The following UNC13A variants were observed in gnomAD, a reference collection of about 807,000 sequenced individuals.
The protein encoded by UNC13A is unc-13 homolog A.
UNC13A carries 61 observed loss-of-function variants against 219.7 expected under a neutral mutation model. The observed-to-expected ratio is 0.28, with a 90% CI of 0.23 to 0.34. UNC13A has a LOEUF of 0.34. Among genes scored for constraint, UNC13A ranks in the 10% least tolerant of loss-of-function variants. The pLI, the probability that UNC13A is intolerant of heterozygous loss-of-function variation, is 1.00. For missense variants in UNC13A, 1,476 were observed against 2,270.3 expected (o/e 0.65, Z 7.11); for synonymous variants, 920 against 884.6 (o/e 1.04, Z -0.71).
chr19:17,665,205 A>G (rs1480096515), intron 7 of UNC13A, among the ~76,000 whole-genome samples: 1 of 151,138 alleles, frequency 6.6e-6, no homozygotes, highest in Non-Finnish European at 1.5e-5. Flanking sequence ...ATCTCCAAGA[A>G]AAAAAAAAAG....
rs777207198 is a variant in UNC13A, at chr19:17,606,136, T to C, written c.5030A>G (p.Asn1677Ser). 1.0e-5 allele frequency: 16 copies of C among 1,593,000 alleles called. No individual in the cohort carries two copies. The Admixed American group carries it at 1.2e-4, about 12-fold the overall frequency. Reference sequence around the variant, plus strand: ...CACGAACTCCTTGGCCACCTCGTCGTTGCTGCGCTGCGAGAGGATTCGCAG... The same window carrying C: ...CACGAACTCCTTGGCCACCTCGTCGCTGCTGCGCTGCGAGAGGATTCGCAG... The part of the protein sequence containing the change: ...TVLRILSQRS[N>S]DEVAKEFVKL... The change falls in exon 44 of 44, where the codon AAC becomes AGC. Residue 1677 changes from asparagine (N) to serine (S), a missense_variant. Transcript: ENST00000519716.
At chr19:17,669,418 C>T in intron 5 of UNC13A, 135 bp downstream of exon 5, 1 of 1,288,238 alleles carries the variant, frequency 7.8e-7, no homozygotes, top group South Asian at 1.7e-5. Flanking sequence ...TCTCTCTCCT[C>T]CGGGGCGAAG....
At position 17,658,259 on chromosome 19, in the gene UNC13A, G is replaced by A. The variant is rs367963287; in HGVS notation, c.570C>T (p.Pro190=). The change falls in exon 9 of 44, where the codon CCC becomes CCT. Residue 190 remains proline (P), a synonymous_variant. Coordinates refer to ENST00000519716, the MANE Select transcript of UNC13A (RefSeq NM_001080421.3). Reference sequence around the variant, plus strand: ...TGTCACGATCATCCACTGCACTGTCGGGGTCATCGTCTGGAAGAGAGAGGC... The same window carrying A: ...TGTCACGATCATCCACTGCACTGTCAGGGTCATCGTCTGGAAGAGAGAGGC... ...FGWGEQHNDD[P]DSAVDDRDSD... 3.1e-5 allele frequency: 50 copies of A among 1,612,426 alleles called. No homozygotes were observed. Among genetic ancestry groups the A allele is most frequent in the East Asian group, 1.1e-4 (5 of 44,832 alleles).
intron 4 of UNC13A, among the ~76,000 whole-genome samples, chr19:17,671,652 C>T (rs1482977475): frequency 1.3e-5 from 2 of 151,918 alleles, no homozygotes; most frequent in African/African-American, 4.8e-5. Context: ...CATGCACCTG[C>T]AGTCCCAGCT....
intron 24 of UNC13A, 55 bp from the exon 25 acceptor site, chr19:17,639,272 G>A: frequency 6.2e-7 from 1 of 1,608,422 alleles, no homozygotes; most frequent in Non-Finnish European, 8.5e-7. Context: ...AGGTCCCCAG[G>A]AAGTGACTGC....
intron 36 of UNC13A, chr19:17,623,290 T>G: frequency 2.2e-6 from 1 of 451,232 alleles, no homozygotes; most frequent in Non-Finnish European, 3.9e-6. Context: ...GGGCTTGGGG[T>G]TTGGGAGTGG....
intron 19 of UNC13A, among the ~76,000 whole-genome samples, chr19:17,643,637 G>T (rs2076994094): frequency 6.6e-6 from 1 of 152,148 alleles, no homozygotes; most frequent in Non-Finnish European, 1.5e-5. Context: ...GGAAACTAAG[G>T]CTTTGGTGTC....
At position 17,658,419 on chromosome 19, in the gene UNC13A, G is replaced by C. The variant is rs1178764729; in HGVS notation, c.560-150C>G. The C allele has an allele frequency of 3.9e-6, 3 of 774,120 alleles. No homozygotes were observed. The African/African-American group carries it at 5.2e-5, about 13-fold the overall frequency. The allele number at this position is 774,120 out of a possible 1,614,324, so 48.0% of individuals were successfully genotyped here. A position where few individuals can be genotyped will look rare whatever the true frequency, so the allele number is the denominator to read the frequency against. On this transcript the variant is annotated intron_variant, in intron 8 of 43. Transcript: ENST00000519716. Reference sequence around the variant, plus strand: ...AAGAATTGTGGGTCATGTTAATAGAGATATAGGCTTCAGAACAAGGGAGGT... The same window carrying C: ...AAGAATTGTGGGTCATGTTAATAGACATATAGGCTTCAGAACAAGGGAGGT...
chr19:17,606,234 G>C lies in UNC13A; in HGVS notation c.4932C>G (p.Ala1644=). Residue 1644 remains alanine (A), a synonymous_variant, in exon 44 of 44, where the codon GCC becomes GCG. Transcript: ENST00000519716. The part of the protein sequence containing the change: ...GLAVLQLREL[A]QRGSAACWLP... ...GCCAGCAGGCGGCGCTCCCGCGCTG[G>C]GCCAGCTCACGCAGCTGCAGCACGG... is the stretch of plus-strand genomic sequence containing the variant. 2 of 1,550,126 alleles carry C rather than the reference G, an allele frequency of 1.3e-6. No individual in the cohort carries two copies. The highest frequency in any genetic ancestry group is 1.7e-4 in the Middle Eastern group (1 of 5,876).
At chr19:17,637,454 C>T (rs1470677268) in intron 25 of UNC13A, among the ~76,000 whole-genome samples, 3 of 152,038 alleles carry the variant, frequency 2.0e-5, no homozygotes, top group African/African-American at 4.8e-5. Flanking sequence ...CCCGCCACCA[C>T]GCCCGGCTAA....
intron 43 of UNC13A, among the ~76,000 whole-genome samples, chr19:17,607,479 A>G (rs2076546013): frequency 1.4e-5 from 2 of 139,848 alleles, no homozygotes; most frequent in African/African-American, 5.4e-5. Context: ...GGGTCTCACC[A>G]TGTTGGCCAC....
chr19:17,606,708 A>C (rs2144902700), intron 43 of UNC13A, among the ~76,000 whole-genome samples: 1 of 151,868 alleles, frequency 6.6e-6, no homozygotes, highest in East Asian at 1.9e-4. Context: ...TGCCGGCTGA[A>C]CTGCTGCCCG....
In UNC13A at chr19:17,647,510, C is replaced by T. The variant is rs376923269; in HGVS notation, c.1817-18G>A. ...CGCAGCCCCTGAGGACGCCCGAGGCCGGCGCTGACCCCAGCGCGCCCTGCA... is the reference window on the plus strand; with the variant it reads ...CGCAGCCCCTGAGGACGCCCGAGGCTGGCGCTGACCCCAGCGCGCCCTGCA... On this transcript the variant is annotated intron_variant, in intron 16 of 43. Transcript: ENST00000519716. 5.0e-6 allele frequency: 8 copies of T among 1,606,986 alleles called. No homozygotes were observed. Among genetic ancestry groups the T allele is most frequent in the Non-Finnish European group, 2.5e-6 (3 of 1,178,500 alleles).
rs3049772 is a variant in UNC13A at position 17,646,269 on chromosome 19, GTGTT to G, written c.2045-162_2045-159del. Among the ~76,000 whole-genome samples the G allele has an allele frequency of 5.3e-3, 794 of 150,854 alleles. 2 individuals are homozygous for G. The highest frequency in any genetic ancestry group is 0.018 in the African/African-American group (718 of 40,914). ...TGGGCTTGCCAGAGAGGTTTTTTGT[GTGTT>G]TGTTTGTTTGTTTGTTTGTTTTTGA... is the stretch of plus-strand genomic sequence containing the variant. On this transcript the variant is annotated intron_variant, in intron 17 of 43. Coordinates refer to ENST00000519716, the MANE Select transcript of UNC13A (RefSeq NM_001080421.3).
At chr19:17,670,684 A>G (rs531935111) in intron 4 of UNC13A, among the ~76,000 whole-genome samples, 1 of 152,136 alleles carries the variant, frequency 6.6e-6, no homozygotes, top group Admixed American at 6.6e-5. Context: ...TGGGCGGATC[A>G]CTTGAGGTCA....
At chr19:17,635,913 C>T (rs2145023446) in intron 26 of UNC13A, 111 bp downstream of exon 26, 2 of 1,339,032 alleles carry the variant, frequency 1.5e-6, no homozygotes, top group South Asian at 1.6e-5. Flanking sequence ...CAATTACCCC[C>T]AGGTGCACAT....
At chr19:17,610,909 T>C (rs78983694) in intron 42 of UNC13A, among the ~76,000 whole-genome samples, 9,153 of 152,178 alleles carry the variant, frequency 0.06, 330 homozygotes, top group Middle Eastern at 0.1. Context: ...GCTGCATGCC[T>C]GCAATCCCAG....
intron 12 of UNC13A, among the ~76,000 whole-genome samples, chr19:17,650,177 A>C (rs1568526660): frequency 6.6e-6 from 1 of 152,162 alleles, no homozygotes; most frequent in African/African-American, 2.4e-5. Context: ...GCCCACCTTG[A>C]ATGAAAACGT....
In UNC13A at chr19:17,656,114, ACCT is replaced by A. The variant is rs747948886; in HGVS notation, c.1049_1051del (p.Glu350del). On this transcript the variant is annotated inframe_deletion, in exon 10 of 44. Transcript: ENST00000519716. ...GGCATAGCTGCCCAAATCGTCAGGC[ACCT>A]CCTCCTCCTCCTCCTCCAGCTCCTC... 137 of 1,405,830 alleles carry A rather than the reference ACCT, an allele frequency of 9.7e-5. No homozygotes were observed. The highest frequency in any genetic ancestry group is 1.8e-4 in the Middle Eastern group (1 of 5,546). The allele number at this position is 1,405,830 out of a possible 1,614,324, so 87.1% of individuals were successfully genotyped here.
Sources: allele counts gnomAD v4.1 joint callset (sites outside exome capture counted in the v4.1 genomes callset), GRCh38; gene constraint gnomAD v4.1.1; transcripts MANE v1.5; gene names NCBI Gene and HGNC (gene_info 2026-07-23, HGNC 2026-07-21).